GSG1L: variants seen among roughly 807,000 people sequenced by gnomAD.
The protein encoded by GSG1L is GSG1 like, also known as germ cell-specific gene 1-like protein.
GSG1L carries 24 observed loss-of-function variants against 42.1 expected under a neutral mutation model. The ratio of observed to expected loss-of-function variants is 0.57; its 90% CI spans 0.41 to 0.80. The LOEUF is 0.80. Among genes scored for constraint, GSG1L ranks in the 30% least tolerant of loss-of-function variants. The pLI is 0.00. For missense variants in GSG1L, 445 were observed against 472.2 expected (o/e 0.94, Z 0.53); for synonymous variants, 215 against 203.5 (o/e 1.06, Z -0.48).
intron 5 of GSG1L, among the ~76,000 whole-genome samples, chr16:27,822,842 C>T (rs2083164758): frequency 6.6e-6 from 1 of 152,150 alleles, no homozygotes; most frequent in Admixed American, 6.5e-5. Flanking sequence ...ATGGGCCAGA[C>T]ATAAACACGA....
At chr16:28,044,975 G>A (rs547377045) in intron 1 of GSG1L, among the ~76,000 whole-genome samples, 1 of 152,310 alleles carries the variant, frequency 6.6e-6, no homozygotes, top group African/African-American at 2.4e-5. Context: ...GCTACATCCT[G>A]TGTGATTCCA....
chr16:27,982,525 G>C (rs761795475), intron 1 of GSG1L, among the ~76,000 whole-genome samples: 3 of 152,158 alleles, frequency 2.0e-5, no homozygotes, highest in Non-Finnish European at 4.4e-5. Flanking sequence ...GGGCTCTAAG[G>C]CTCCATGAAA....
intron 4 of GSG1L, among the ~76,000 whole-genome samples, chr16:27,832,866 G>A (rs894852627): frequency 2.6e-5 from 4 of 152,146 alleles, no homozygotes; most frequent in Non-Finnish European, 5.9e-5. Context: ...CTAGAGATTA[G>A]TTCTTTGTCA....
At chr16:28,035,852 C>T (rs2086029262) in intron 1 of GSG1L, among the ~76,000 whole-genome samples, 4 of 152,188 alleles carry the variant, frequency 2.6e-5, no homozygotes, top group African/African-American at 9.7e-5. Flanking sequence ...GTTCTCCCAG[C>T]TTACGGGGCC....
chr16:27,954,547 T>C (rs2084985147), intron 2 of GSG1L, among the ~76,000 whole-genome samples: 1 of 152,140 alleles, frequency 6.6e-6, no homozygotes, highest in Admixed American at 6.6e-5. Flanking sequence ...ATGGCTGAGT[T>C]TATTAATACA....
At position 27,985,975 on chromosome 16, in the gene GSG1L, A is replaced by C. The variant is rs545430081; in HGVS notation, c.350-22772T>G. On this transcript the variant is annotated intron_variant, in intron 1 of 6. Transcript: ENST00000447459. Reference sequence around the variant, plus strand: ...TTGTGGGGTTCCAAGAGTCATGAGAAGGTTTCTCTGTGGTCTAAAACTCTG... The same window carrying C: ...TTGTGGGGTTCCAAGAGTCATGAGACGGTTTCTCTGTGGTCTAAAACTCTG... 1.4e-4 allele frequency among the ~76,000 whole-genome samples: 22 copies of C among 152,236 alleles called. No individual in the cohort carries two copies. The South Asian group carries it at 3.7e-3, about 26-fold the overall frequency.
chr16:27,806,793 C>G (rs1004157615), intron 6 of GSG1L, among the ~76,000 whole-genome samples: 3 of 152,210 alleles, frequency 2.0e-5, no homozygotes, highest in Non-Finnish European at 4.4e-5. Context: ...GGGCAAGTTA[C>G]TCCACCTCTC....
intron 3 of GSG1L, among the ~76,000 whole-genome samples, chr16:27,849,062 G>A (rs1450575509): frequency 6.6e-6 from 1 of 152,006 alleles, no homozygotes; most frequent in Admixed American, 6.5e-5. Context: ...CAGGTGTGGT[G>A]GCACATGCCT....
chr16:27,958,652 T>C (rs1471685629), intron 2 of GSG1L, among the ~76,000 whole-genome samples: 2 of 152,256 alleles, frequency 1.3e-5, no homozygotes, highest in African/African-American at 4.8e-5. Flanking sequence ...TCATCTGTAA[T>C]TTACGCACTT....
At chr16:28,041,216 T>G (rs1567566321) in intron 1 of GSG1L, among the ~76,000 whole-genome samples, 1 of 152,074 alleles carries the variant, frequency 6.6e-6, no homozygotes, top group Non-Finnish European at 1.5e-5. Flanking sequence ...TTTGGGAGGC[T>G]GAGGTAGGTG....
At chr16:27,924,184 C>CTA (rs1375858509) in intron 2 of GSG1L, among the ~76,000 whole-genome samples, 1 of 151,068 alleles carries the variant, frequency 6.6e-6, no homozygotes, top group African/African-American at 2.4e-5. Flanking sequence ...TATATAATGT[C>CTA]TATATACACA....
intron 2 of GSG1L, among the ~76,000 whole-genome samples, chr16:27,933,649 A>AC (rs141369730): frequency 5.5e-4 from 6 of 10,896 alleles, no homozygotes; most frequent in Non-Finnish European, 1.5e-3. Context: ...ACTTTGTCAC[A>AC]AAAAAAAAAA....
At chr16:27,967,511 G>A (rs1044928160) in intron 1 of GSG1L, among the ~76,000 whole-genome samples, 2 of 152,182 alleles carry the variant, frequency 1.3e-5, no homozygotes, top group Non-Finnish European at 2.9e-5. Context: ...AGACAAAGAC[G>A]ATAAGGCCCA....
At chr16:27,944,318 T>C (rs554734239) in intron 2 of GSG1L, among the ~76,000 whole-genome samples, 3 of 152,182 alleles carry the variant, frequency 2.0e-5, no homozygotes, top group African/African-American at 7.2e-5. Context: ...CAATATTATT[T>C]TGCAATAAAA....
intron 1 of GSG1L, among the ~76,000 whole-genome samples, chr16:28,060,536 C>T (rs2086329114): frequency 6.6e-6 from 1 of 152,134 alleles, no homozygotes. Flanking sequence ...ACAAACTAAC[C>T]ATCCGCATTT....
At chr16:27,840,043 T>C (rs2083363084) in intron 4 of GSG1L, among the ~76,000 whole-genome samples, 1 of 151,334 alleles carries the variant, frequency 6.6e-6, no homozygotes, top group African/African-American at 2.4e-5. Flanking sequence ...TTTTTTTTTT[T>C]TTTTTTTTTT....
chr16:27,812,781 T>TTTTA lies in GSG1L; in HGVS notation c.831-5231_831-5228dup, dbSNP rs145858801. ...TCTTTGTTGTTGTTGTTGTTTTAATTTTTATTTATTTATTTATTTATTTTT... is the reference window on the plus strand; with the variant it reads ...TCTTTGTTGTTGTTGTTGTTTTAATTTTTATTTATTTATTTATTTATTTATTTTT... On this transcript the variant is annotated intron_variant, in intron 5 of 6. Coordinates refer to ENST00000447459, the MANE Select transcript of GSG1L (RefSeq NM_001109763.2). Among the ~76,000 whole-genome samples, 22 of 151,316 alleles carry TTTTA rather than the reference T, an allele frequency of 1.5e-4. 1 individual carries two copies. Among genetic ancestry groups the TTTTA allele is most frequent in the South Asian group, 2.1e-4 (1 of 4,792 alleles).
chr16:27,795,944 C>G (rs2144395362), intron 6 of GSG1L, among the ~76,000 whole-genome samples: 1 of 152,190 alleles, frequency 6.6e-6, no homozygotes, highest in East Asian at 1.9e-4. Context: ...ATCTACTGTT[C>G]CAAAATGGAT....
chr16:27,958,045 G>A (rs776341025), intron 2 of GSG1L, among the ~76,000 whole-genome samples: 4 of 152,064 alleles, frequency 2.6e-5, no homozygotes, highest in Non-Finnish European at 4.4e-5. Flanking sequence ...TTCCCACTGG[G>A]CCCCACCTCC....
Sources: allele counts gnomAD v4.1 joint callset (sites outside exome capture counted in the v4.1 genomes callset), GRCh38; gene constraint gnomAD v4.1.1; transcripts MANE v1.5; gene names NCBI Gene and HGNC (gene_info 2026-07-23, HGNC 2026-07-21).